OSBP: variants seen among roughly 807,000 people sequenced by gnomAD.
The protein encoded by OSBP is oxysterol binding protein.
A neutral mutation model predicts 96.6 loss-of-function variants in OSBP; 32 were observed. That is an observed-to-expected ratio of 0.33 (90% CI 0.25 to 0.45). The LOEUF (loss-of-function observed/expected upper bound fraction) is 0.45. Among genes scored for constraint, OSBP ranks in the 20% least tolerant of loss-of-function variants. The pLI, the probability that OSBP is intolerant of heterozygous loss-of-function variation, is 1.00. For synonymous variants in OSBP, 369 were observed against 389.6 expected, an observed-to-expected ratio of 0.95 and a Z score of 0.62; for missense variants, 653 against 1,029.7, an observed-to-expected ratio of 0.63 and a Z score of 5.01.
rs1427987702 is a variant in OSBP, at chr11:59,615,691, A to G, written c.-27T>C. 1.6e-6 allele frequency: 2 copies of G among 1,285,358 alleles called. No homozygotes were observed. Among genetic ancestry groups the G allele is most frequent in the East Asian group, 3.2e-5 (1 of 31,554 alleles). The allele number at this position is 1,285,358 out of a possible 1,614,324, so 79.6% of individuals were successfully genotyped here. The stretch of plus-strand genomic sequence containing the variant: ...AGCCGCCGCCGCCTGGAGATACAAG[A>G]CCGGAACCGCCTACGAGAGCCGCCG... On this transcript the variant is annotated 5_prime_UTR_variant, in exon 1 of 14. Coordinates refer to ENST00000263847, the MANE Select transcript of OSBP (RefSeq NM_002556.3).
chr11:59,599,467 A>G (rs1424717322), intron 7 of OSBP, among the ~76,000 whole-genome samples: 1 of 151,782 alleles, frequency 6.6e-6, no homozygotes, highest in Non-Finnish European at 1.5e-5. Context: ...TTGTTTCTTT[A>G]ATAAATTGAA....
chr11:59,583,378 T>G (rs1057049680), intron 9 of OSBP, among the ~76,000 whole-genome samples: 1 of 152,148 alleles, frequency 6.6e-6, no homozygotes, highest in Non-Finnish European at 1.5e-5. Context: ...GTTCTCTCTG[T>G]AACCACTAAT....
In OSBP at chr11:59,601,376, C is replaced by T. The variant is rs2134669900; in HGVS notation, c.1031G>A (p.Cys344Tyr). The T allele has an allele frequency of 6.2e-7, 1 of 1,608,550 alleles. No homozygotes were observed. The highest frequency in any genetic ancestry group is 2.2e-5 in the East Asian group (1 of 44,854). Residue 344 changes from cysteine to tyrosine, a missense_variant, in exon 5 of 14, where the codon TGC becomes TAC. By Grantham distance (194) the Cys-to-Tyr change is radical. Coordinates refer to ENST00000263847, the MANE Select transcript of OSBP (RefSeq NM_002556.3). ...GNVGSGKDQC[C>Y]SGKGDMSDED... ...ATCGCTCATGTCCCCTTTGCCAGAG[C>T]AGCACTGATCTACAAGAAGAAAAGC... is the stretch of plus-strand genomic sequence containing the variant.
At chr11:59,586,879 A>G (rs1236031837) in intron 9 of OSBP, among the ~76,000 whole-genome samples, 3 of 152,236 alleles carry the variant, frequency 2.0e-5, no homozygotes, top group African/African-American at 7.2e-5. Context: ...AACTCAAAAT[A>G]GATGAAAGAC....
intron 5 of OSBP, 36 bp downstream of exon 5, chr11:59,601,245 GAT>G: frequency 8.9e-7 from 1 of 1,125,536 alleles, no homozygotes; most frequent in Non-Finnish European, 1.4e-6. Context: ...TGATGGTGAA[GAT>G]ATGTTTATTT....
intron 1 of OSBP, 33 bp downstream of exon 1, chr11:59,615,270 C>G (rs1860908364): frequency 1.9e-6 from 3 of 1,547,270 alleles, no homozygotes; most frequent in African/African-American, 2.7e-5. Context: ...ATGGGGGAGG[C>G]AAGGTGAGCG....
At chr11:59,588,745 C>T (rs1860534452) in intron 9 of OSBP, among the ~76,000 whole-genome samples, 2 of 152,062 alleles carry the variant, frequency 1.3e-5, no homozygotes, top group Non-Finnish European at 2.9e-5. Flanking sequence ...GTGGCTCATG[C>T]CTGTAATTCC....
chr11:59,592,455 G>A (rs1860597037), intron 9 of OSBP, among the ~76,000 whole-genome samples: 1 of 152,200 alleles, frequency 6.6e-6, no homozygotes, highest in African/African-American at 2.4e-5. Flanking sequence ...TTTAAGAACT[G>A]TAGCTATACC....
At chr11:59,613,177 G>A (rs940813416) in intron 1 of OSBP, among the ~76,000 whole-genome samples, 2 of 152,206 alleles carry the variant, frequency 1.3e-5, no homozygotes, top group East Asian at 1.9e-4. Flanking sequence ...TTTGAGGGTA[G>A]TGCACAGATT....
intron 2 of OSBP, among the ~76,000 whole-genome samples, chr11:59,609,789 T>C (rs149176064): frequency 6.6e-6 from 1 of 152,290 alleles, no homozygotes; most frequent in African/African-American, 2.4e-5. Flanking sequence ...AGTTAACCAA[T>C]GCAGCAAAAT....
At chr11:59,605,068 G>A (rs1344913027) in intron 3 of OSBP, among the ~76,000 whole-genome samples, 1 of 151,238 alleles carries the variant, frequency 6.6e-6, no homozygotes, top group Non-Finnish European at 1.5e-5. Context: ...CAGAAGAACT[G>A]CTTGAACCCG....
At chr11:59,587,097 T>C (rs12275697) in intron 9 of OSBP, among the ~76,000 whole-genome samples, 4,150 of 151,982 alleles carry the variant, frequency 0.027, 185 homozygotes, top group African/African-American at 0.095. Context: ...CCTCTAGAAA[T>C]TGGAGAAAAT....
chr11:59,605,905 C>A (rs1037871873), intron 3 of OSBP, among the ~76,000 whole-genome samples: 1 of 152,126 alleles, frequency 6.6e-6, no homozygotes, highest in Non-Finnish European at 1.5e-5. Context: ...GGCAGTTGGA[C>A]GGGATGCAGG....
Position 59,600,502 on chromosome 11 carries a change from G to T in OSBP, c.1305C>A (p.Pro435=), listed in dbSNP as rs956928228. ...NCIGKELSKI[P]MPVNFNEPLS... is the part of the protein sequence containing the mutation. Reference sequence around the variant, plus strand: ...CAGTGTGCAAGAACCTTACCGGCATGGGGATCTTAGAGAGTTCTTTTCCAA... The same window carrying T: ...CAGTGTGCAAGAACCTTACCGGCATTGGGATCTTAGAGAGTTCTTTTCCAA... Residue 435 remains proline (P), a synonymous_variant, in exon 7 of 14, where the codon CCC becomes CCA. Transcript: ENST00000263847. The T allele has an allele frequency of 6.2e-7, 1 of 1,613,800 alleles. No homozygotes were observed. The highest frequency in any genetic ancestry group is 1.3e-5 in the African/African-American group (1 of 74,900).
chr11:59,599,078 C>T (rs559078765), intron 7 of OSBP, among the ~76,000 whole-genome samples: 5 of 152,348 alleles, frequency 3.3e-5, no homozygotes, highest in Non-Finnish European at 7.3e-5. Flanking sequence ...CCTGGACCAC[C>T]TACTTCTGGG....
chr11:59,593,379 C>T, intron 9 of OSBP: 1 of 512,154 alleles, frequency 2.0e-6, no homozygotes, highest in Non-Finnish European at 3.5e-6. Flanking sequence ...TTAAATATAG[C>T]TAAGAGGATA....
chr11:59,587,292 G>A (rs910690558), intron 9 of OSBP, among the ~76,000 whole-genome samples: 1 of 152,134 alleles, frequency 6.6e-6, no homozygotes, highest in African/African-American at 2.4e-5. Context: ...CTTGAGGTCA[G>A]GAGTTCAAGA....
Position 59,608,560 on chromosome 11 carries a change from G to C in OSBP, c.746C>G (p.Ala249Gly). 1 of 1,613,960 alleles carries C rather than the reference G, an allele frequency of 6.2e-7. No homozygotes were observed. Among genetic ancestry groups the C allele is most frequent in the Non-Finnish European group, 8.5e-7 (1 of 1,179,932 alleles). The change falls in exon 3 of 14, where the codon GCT becomes GGT. Residue 249 changes from alanine (A) to glycine (G), a missense_variant. Physicochemically the swap from Ala to Gly is moderately conservative, Grantham distance 60. This residue lies in a region of OSBP where 308 missense variants were observed against 573.1 expected (regional missense o/e 0.54). Transcript: ENST00000263847. ...CTGTTTGATCTTTTCATTGCTCTCA[G>C]CAGGCAACTTCAGGGACTCCAGCTC... The part of the protein sequence containing the change: ...LSELESLKLP[A>G]ESNEKIKQVN...
At chr11:59,579,931 C>T (rs1441063039) in intron 11 of OSBP, among the ~76,000 whole-genome samples, 2 of 152,060 alleles carry the variant, frequency 1.3e-5, no homozygotes, top group Non-Finnish European at 2.9e-5. Flanking sequence ...AGGCTGGGCT[C>T]GAACTCCTGA....
Sources: allele counts gnomAD v4.1 joint callset (sites outside exome capture counted in the v4.1 genomes callset), GRCh38; gene constraint gnomAD v4.1.1; regional missense constraint gnomAD v4.1.1; transcripts MANE v1.5; gene names NCBI Gene and HGNC (gene_info 2026-07-23, HGNC 2026-07-21).